ATG10: variants seen among roughly 807,000 people sequenced by gnomAD.
The protein encoded by ATG10 is ubiquitin-like-conjugating enzyme ATG10.
In ATG10, 30 loss-of-function variants were observed where a neutral mutation model predicts 32.1. The observed-to-expected ratio is 0.94, with a 90% CI of 0.70 to 1.27. The LOEUF (loss-of-function observed/expected upper bound fraction) is 1.27. Among genes scored for constraint, ATG10 ranks in the 50% most tolerant of loss-of-function variants. The pLI is 0.00. For synonymous variants in ATG10, 87 were observed against 91.5 expected, an observed-to-expected ratio of 0.95 and a Z score of 0.28; for missense variants, 233 against 262.3, an observed-to-expected ratio of 0.89 and a Z score of 0.77.
At chr5:81,976,824 T>A (rs13362275) in intron 1 of ATG10, among the ~76,000 whole-genome samples, 3,123 of 152,250 alleles carry the variant, frequency 0.021, 40 homozygotes, top group Non-Finnish European at 0.032. Context: ...ACAAAAAAAA[T>A]TTGCAACCTC....
chr5:82,020,074 G>A (rs1038487949), intron 2 of ATG10, among the ~76,000 whole-genome samples: 3 of 152,204 alleles, frequency 2.0e-5, no homozygotes, highest in Admixed American at 2.0e-4. Flanking sequence ...TGTCTGCCAC[G>A]TGGAGAGATA....
intron 3 of ATG10, among the ~76,000 whole-genome samples, chr5:82,110,134 C>T (rs1384962102): frequency 6.6e-6 from 1 of 151,852 alleles, no homozygotes; most frequent in Non-Finnish European, 1.5e-5. Context: ...TGAACTCATC[C>T]TTTTTTATGG....
chr5:82,105,535 T>C (rs184684584), intron 3 of ATG10, among the ~76,000 whole-genome samples: 2 of 152,294 alleles, frequency 1.3e-5, no homozygotes, highest in East Asian at 3.9e-4. Context: ...TTAGAGGACA[T>C]ATTCATGAAT....
intron 2 of ATG10, among the ~76,000 whole-genome samples, chr5:81,989,815 C>T (rs745405255): frequency 1.9e-4 from 29 of 152,118 alleles, no homozygotes; most frequent in East Asian, 5.8e-4. Flanking sequence ...TGGTCTCGAT[C>T]TCCTGACCTT....
intron 2 of ATG10, among the ~76,000 whole-genome samples, chr5:81,997,179 G>A (rs1406165914): frequency 4.6e-5 from 7 of 152,194 alleles, no homozygotes; most frequent in South Asian, 4.1e-4. Flanking sequence ...CTACTAGTAC[G>A]TGCAAATGAA....
chr5:82,034,009 TACTATATATATACATATATAAAATATAC>T (rs1762829794), intron 2 of ATG10, among the ~76,000 whole-genome samples: 1 of 148,142 alleles, frequency 6.8e-6, no homozygotes, highest in South Asian at 2.1e-4. Flanking sequence ...TGTATATATG[TACTATATATATACATATATAAAATATAC>T]ACTATATATA....
intron 5 of ATG10, among the ~76,000 whole-genome samples, chr5:82,245,474 A>G (rs1260387938): frequency 6.6e-6 from 1 of 152,202 alleles, no homozygotes; most frequent in Non-Finnish European, 1.5e-5. Flanking sequence ...GACTGAAAAA[A>G]TAGTATTGGC....
chr5:82,218,295 TA>T (rs1745776737), intron 5 of ATG10, among the ~76,000 whole-genome samples: 1 of 152,248 alleles, frequency 6.6e-6, no homozygotes, highest in East Asian at 1.9e-4. Context: ...TCTTTCCTGC[TA>T]CAGATTCAAA....
chr5:82,107,793 C>T (rs1765488194), intron 3 of ATG10, among the ~76,000 whole-genome samples: 1 of 151,012 alleles, frequency 6.6e-6, no homozygotes. Flanking sequence ...TGTAAATATC[C>T]TCTGTTTACA....
At chr5:82,149,045 C>T (rs760946068) in intron 3 of ATG10, among the ~76,000 whole-genome samples, 44 of 152,028 alleles carry the variant, frequency 2.9e-4, no homozygotes, top group Middle Eastern at 3.2e-3. Context: ...AAAATATATA[C>T]GAGCTTTAAA....
intron 2 of ATG10, among the ~76,000 whole-genome samples, chr5:82,024,600 A>C (rs1186874341): frequency 6.6e-6 from 1 of 152,196 alleles, no homozygotes; most frequent in Non-Finnish European, 1.5e-5. Context: ...ATGGTTTGAA[A>C]AGCATTTGGT....
chr5:82,246,543 GA>G (rs139012100), intron 5 of ATG10, among the ~76,000 whole-genome samples: 14,410 of 149,564 alleles, frequency 0.096, 1,026 homozygotes, highest in East Asian at 0.37. Flanking sequence ...AAGAAAAAAA[GA>G]AAAAAAATTA....
At chr5:82,146,555 T>G (rs1004771498) in intron 3 of ATG10, among the ~76,000 whole-genome samples, 18 of 151,942 alleles carry the variant, frequency 1.2e-4, no homozygotes, top group Non-Finnish European at 2.9e-5. Flanking sequence ...CAGTTGTCTA[T>G]ATGTCTGATG....
rs562299368 is a variant in ATG10, at chr5:81,983,014, T to C, written c.-12-4545T>C. Among the ~76,000 whole-genome samples, 175 of 152,292 alleles carry C rather than the reference T, an allele frequency of 1.1e-3. 2 individuals are homozygous for C. The highest frequency in any genetic ancestry group is 2.3e-3 in the Admixed American group (35 of 15,300). The stretch of plus-strand genomic sequence containing the variant: ...GTCTTTTCCCCACCTTTCCCCCCTT[T>C]CTATTCCACAAAACCGCCATTGTCA... On this transcript the variant is annotated intron_variant, in intron 1 of 7. Coordinates refer to ENST00000282185, the MANE Select transcript of ATG10 (RefSeq NM_031482.5).
intron 2 of ATG10, among the ~76,000 whole-genome samples, chr5:81,997,513 A>G (rs1379948706): frequency 6.6e-6 from 1 of 152,256 alleles, no homozygotes; most frequent in Admixed American, 6.5e-5. Flanking sequence ...CAACTGCACT[A>G]GTTCCCCAGC....
At chr5:81,978,624 G>A (rs1291338099) in intron 1 of ATG10, among the ~76,000 whole-genome samples, 1 of 152,166 alleles carries the variant, frequency 6.6e-6, no homozygotes, top group Non-Finnish European at 1.5e-5. Flanking sequence ...ACTGGTATCA[G>A]AAAGATTGGA....
intron 2 of ATG10, among the ~76,000 whole-genome samples, chr5:82,033,078 A>T (rs1762788931): frequency 6.6e-6 from 1 of 152,080 alleles, no homozygotes; most frequent in African/African-American, 2.4e-5. Flanking sequence ...CTATATCAGC[A>T]ACTTTCTTCT....
rs773941633 is a variant in ATG10 at position 82,252,612 on chromosome 5, G to A, written c.504G>A (p.Thr168=). Residue 168 remains threonine, a synonymous_variant, in exon 6 of 8, where the codon ACG becomes ACA. Transcript: ENST00000282185. ...QPFFVLHPCK[T]NEFMTPVLKN... ...TTTTTGTACTTCATCCCTGCAAGAC[G>A]AATGAATTCATGACTCCTGTATTAA... 31 of 1,607,184 alleles carry A rather than the reference G, an allele frequency of 1.9e-5. No individual in the cohort carries two copies. The highest frequency in any genetic ancestry group is 1.6e-4 in the Middle Eastern group (1 of 6,066).
chr5:82,089,786 C>T (rs1274183681), intron 3 of ATG10, among the ~76,000 whole-genome samples: 1 of 151,648 alleles, frequency 6.6e-6, no homozygotes, highest in Non-Finnish European at 1.5e-5. Flanking sequence ...GCTCTAAGAT[C>T]CTATTAAAAG....
Sources: allele counts gnomAD v4.1 joint callset (sites outside exome capture counted in the v4.1 genomes callset), GRCh38; gene constraint gnomAD v4.1.1; transcripts MANE v1.5; gene names NCBI Gene and HGNC (gene_info 2026-07-23, HGNC 2026-07-21).